Variants in EP400 observed in about 807,000 individuals in gnomAD.
The protein encoded by EP400 is E1A-binding protein p400.
A neutral mutation model predicts 354.1 loss-of-function variants in EP400; 105 were observed. The ratio of observed to expected loss-of-function variants is 0.30; its 90% CI spans 0.25 to 0.35. The LOEUF (loss-of-function observed/expected upper bound fraction) is 0.35, where lower values mean the gene tolerates loss of function less well. Among genes scored for constraint, EP400 ranks in the 10% least tolerant of loss-of-function variants. The pLI, the probability that EP400 is intolerant of heterozygous loss-of-function variation, is 1.00. For synonymous variants in EP400, 1,646 were observed against 1,716.9 expected (o/e 0.96, Z 1.02); for missense variants, 3,280 against 4,121.0 (o/e 0.80, Z 5.59).
chr12:132,011,554 C>G lies in EP400; in HGVS notation c.3361C>G (p.Leu1121Val). ...AAGTTGTAACATACTCAAGTGGGAGCTTGAATTGAAACGTTGGTGTCCCGG... is the reference window on the plus strand; with the variant it reads ...AAGTTGTAACATACTCAAGTGGGAGGTTGAATTGAAACGTTGGTGTCCCGG... ...VRSCNILKWE[L>V]ELKRWCPGLK... Residue 1121 changes from leucine (L) to valine (V), a missense_variant, in exon 16 of 53, where the codon CTT (leucine) becomes GTT (valine). By Grantham distance (32) the Leu-to-Val change is conservative (BLOSUM62 1). Transcript: ENST00000389561. 1.2e-6 allele frequency: 2 copies of G among 1,614,090 alleles called. No homozygotes were observed. Among genetic ancestry groups the G allele is most frequent in the Middle Eastern group, 1.6e-4 (1 of 6,062 alleles).
rs754024495 is a variant in EP400, at chr12:132,021,103, C to G, written c.4472C>G (p.Ser1491Cys). ...GCAGCAGCAGCCCCGTTTCAGACCT[C>G]TCAGGCTTCCGCCAGTGCTCCACGA... ...AKAAAAPFQT[S>C]QASASAPRHQ... The change falls in exon 23 of 53, where the codon TCT becomes TGT. Residue 1491 changes from serine to cysteine, a missense_variant. Around this residue, in one of 20 missense-constraint regions of EP400, gnomAD observed 342 missense variants for 342.7 expected, o/e 1.00. Coordinates refer to ENST00000389561, the MANE Select transcript of EP400 (RefSeq NM_015409.5). 58 of 1,599,868 alleles carry G rather than the reference C, an allele frequency of 3.6e-5. No homozygotes were observed. In the Admixed American group the frequency reaches 8.5e-4, roughly 23 times the overall value.
chr12:131,974,170 G>A (rs1414364823), intron 2 of EP400, among the ~76,000 whole-genome samples: 1 of 151,812 alleles, frequency 6.6e-6, no homozygotes, highest in Non-Finnish European at 1.5e-5. Context: ...GTAGAGATGG[G>A]GTTTCACCAC....
chr12:132,019,985 G>A, intron 21 of EP400, 64 bp from the exon 22 acceptor site: 1 of 1,432,652 alleles, frequency 7.0e-7, no homozygotes. Flanking sequence ...GGCTCCATGA[G>A]GTGGCCTGTC....
At chr12:131,989,832 G>A in intron 7 of EP400, 132 bp from the exon 8 acceptor site, 2 of 985,520 alleles carry the variant, frequency 2.0e-6, no homozygotes, top group Non-Finnish European at 2.9e-6. Flanking sequence ...CACCCTAAGA[G>A]CATACGAGGA....
chr12:132,061,421 T>C (rs897432350), intron 45 of EP400, among the ~76,000 whole-genome samples: 4 of 152,064 alleles, frequency 2.6e-5, no homozygotes, highest in Non-Finnish European at 4.4e-5. Context: ...CATAAAAGGA[T>C]CAAGAGAAAC....
At chr12:132,031,700 C>T (rs535071333) in intron 29 of EP400, among the ~76,000 whole-genome samples, 7 of 152,230 alleles carry the variant, frequency 4.6e-5, no homozygotes, top group East Asian at 3.9e-4. Context: ...GGACTGCAGG[C>T]GCCTGCCACC....
chr12:131,976,041 A>G lies in EP400; in HGVS notation c.1336-3653A>G, dbSNP rs534119686. On this transcript the variant is annotated intron_variant, in intron 2 of 52. Coordinates refer to ENST00000389561, the MANE Select transcript of EP400 (RefSeq NM_015409.5). ...TCCACACTGATGTTACGCCTATCCA[A>G]TGAATTTTTTTTTATTTCGGATGTT... 1.6e-4 allele frequency among the ~76,000 whole-genome samples: 24 copies of G among 152,238 alleles called. No individual in the cohort carries two copies. The South Asian group carries it at 2.3e-3, about 14-fold the overall frequency.
chr12:132,059,842 C>T (rs894570823), intron 45 of EP400, among the ~76,000 whole-genome samples: 3 of 151,782 alleles, frequency 2.0e-5, no homozygotes, highest in Admixed American at 6.6e-5. Flanking sequence ...CGGTGAAACC[C>T]CGTGTCTACA....
intron 5 of EP400, among the ~76,000 whole-genome samples, chr12:131,984,554 G>A (rs1892789777): frequency 1.3e-5 from 2 of 152,186 alleles, no homozygotes; most frequent in East Asian, 3.9e-4. Context: ...GCTTGCTTTA[G>A]GTTTTTGTGG....
chr12:131,980,619 C>T (rs1405353149), intron 3 of EP400, among the ~76,000 whole-genome samples: 1 of 152,162 alleles, frequency 6.6e-6, no homozygotes, highest in Non-Finnish European at 1.5e-5. Context: ...CATCATGGCT[C>T]ACTGCAGCCT....
In EP400 at chr12:132,050,886, C is replaced by A; in HGVS notation, c.7394+231C>A. 1.7e-6 allele frequency: 1 copy of A among 591,226 alleles called. No individual in the cohort carries two copies. The allele number at this position is 591,226 out of a possible 1,614,324, so 36.6% of individuals were successfully genotyped here. A position where few individuals can be genotyped will look rare whatever the true frequency, so the allele number is the denominator to read the frequency against. On this transcript the variant is annotated intron_variant, in intron 41 of 52. Coordinates refer to ENST00000389561, the MANE Select transcript of EP400 (RefSeq NM_015409.5). This position sits in a 1 kb window ranked among gnomAD's most constrained non-coding sequence, Gnocchi z 4.8. ...TGTTACAGGGATTGTCCTTGCTGGC[C>A]CTCAGTGGGGAAAGACGCTGACAGA...
intron 2 of EP400, among the ~76,000 whole-genome samples, chr12:131,971,109 C>T (rs986457246): frequency 6.6e-6 from 1 of 152,062 alleles, no homozygotes; most frequent in Admixed American, 6.6e-5. Context: ...AAGGCTGAGG[C>T]GGGAAGATCG....
Position 132,077,395 on chromosome 12 carries a change from G to C in EP400, c.9100-6G>C, listed in dbSNP as rs1277326973. ...CAATGTGTGTTTTCTGACTCTCTCG[G>C]CTCAGGCTTCTCCACAGACTGTGGC... On this transcript the variant is annotated splice_polypyrimidine_tract_variant and splice_region_variant and intron_variant, in intron 52 of 52. Transcript: ENST00000389561. 2 of 1,607,206 alleles carry C rather than the reference G, an allele frequency of 1.2e-6. No individual in the cohort carries two copies. Among genetic ancestry groups the C allele is most frequent in the East Asian group, 4.5e-5 (2 of 44,760 alleles).
At chr12:132,019,265 C>T (rs1465635225) in intron 21 of EP400, among the ~76,000 whole-genome samples, 1 of 152,192 alleles carries the variant, frequency 6.6e-6, no homozygotes, top group Admixed American at 6.5e-5. Context: ...TGGTCTTGAA[C>T]TCTTGGGCTC....
At chr12:132,072,682 T>C (rs1896100396) in intron 51 of EP400, among the ~76,000 whole-genome samples, 1 of 152,232 alleles carries the variant, frequency 6.6e-6, no homozygotes, top group Non-Finnish European at 1.5e-5. Context: ...GTTTACTGTG[T>C]GTGTCATTTC....
intron 45 of EP400, among the ~76,000 whole-genome samples, chr12:132,060,696 T>C (rs1375048433): frequency 6.6e-6 from 1 of 152,054 alleles, no homozygotes; most frequent in Non-Finnish European, 1.5e-5. Context: ...GGCGGGCAGA[T>C]CTGAGGTTGG....
chr12:132,051,306 G>A (rs955833990), intron 41 of EP400, among the ~76,000 whole-genome samples: 7 of 152,174 alleles, frequency 4.6e-5, no homozygotes, highest in Admixed American at 6.5e-5. Context: ...GTTTCTCCCC[G>A]TGTGCGGAGA....
chr12:132,009,969 C>T (rs78546131), intron 15 of EP400, among the ~76,000 whole-genome samples: 2,184 of 151,186 alleles, frequency 0.014, 47 homozygotes, highest in African/African-American at 0.048. Context: ...CAGCTGTGAG[C>T]CACCGTGCCT....
At position 131,989,990 on chromosome 12, in the gene EP400, C is replaced by G. The variant is rs759198083; in HGVS notation, c.2436C>G (p.His812Gln). 1 of 1,613,766 alleles carries G rather than the reference C, an allele frequency of 6.2e-7. No homozygotes were observed. Among genetic ancestry groups the G allele is most frequent in the Non-Finnish European group, 8.5e-7 (1 of 1,179,930 alleles). Residue 812 changes from histidine (H) to glutamine (Q), a missense_variant, in exon 8 of 53, where the codon CAC becomes CAG. His to Gln is a conservative substitution (Grantham distance 24). Around this residue, in one of 20 missense-constraint regions of EP400, gnomAD observed 800 missense variants for 840.0 expected, o/e 0.95. Coordinates refer to ENST00000389561, the MANE Select transcript of EP400 (RefSeq NM_015409.5). ...TCGTTAGAACTGTGGTGCGCCATCA[C>G]GAGGAGAAGCAGCTCCGTGAAGAAA... ...KKLVRTVVRH[H>Q]EEKQLREERG... is the part of the protein sequence containing the mutation.
Sources: allele counts gnomAD v4.1 joint callset (sites outside exome capture counted in the v4.1 genomes callset), GRCh38; gene constraint gnomAD v4.1.1; regional missense constraint gnomAD v4.1.1; non-coding constraint Gnocchi (gnomAD v3.1); transcripts MANE v1.5; gene names NCBI Gene and HGNC (gene_info 2026-07-23, HGNC 2026-07-21).